The following NUP214 variants were observed in gnomAD, a reference collection of about 807,000 sequenced individuals.
NUP214 encodes the protein nuclear pore complex protein Nup214.
A neutral mutation model predicts 196.2 loss-of-function variants in NUP214; 79 were observed. The observed-to-expected ratio is 0.40, with a 90% CI of 0.34 to 0.49. The LOEUF is 0.49. Among genes scored for constraint, NUP214 ranks in the 20% least tolerant of loss-of-function variants. The pLI, the probability that NUP214 is intolerant of heterozygous loss-of-function variation, is 0.58. For missense variants in NUP214, 2,468 were observed against 2,539.0 expected (o/e 0.97, Z 0.60); for synonymous variants, 1,020 against 990.5 (o/e 1.03, Z -0.56).
chr9:131,185,097 A>G (rs987831812), intron 24 of NUP214, among the ~76,000 whole-genome samples: 1 of 152,266 alleles, frequency 6.6e-6, no homozygotes, highest in African/African-American at 2.4e-5. Context: ...TTTTTACAAC[A>G]ATGGGATGAG....
chr9:131,177,732 G>C (rs1029268350), intron 23 of NUP214, among the ~76,000 whole-genome samples: 1 of 152,076 alleles, frequency 6.6e-6, no homozygotes, highest in African/African-American at 2.4e-5. Context: ...ATTATAAGAC[G>C]AAAGCTGATG....
chr9:131,138,176 T>C (rs1831795599), intron 9 of NUP214, among the ~76,000 whole-genome samples: 1 of 151,312 alleles, frequency 6.6e-6, no homozygotes, highest in African/African-American at 2.4e-5. Flanking sequence ...TCCTTCTCTT[T>C]CCTTCTCCTT....
rs376384082 is a variant in NUP214, at chr9:131,129,466, C to T, written c.581C>T (p.Ala194Val). 1.5e-5 allele frequency: 25 copies of T among 1,613,994 alleles called. No individual in the cohort carries two copies. In the East Asian group the frequency reaches 4.9e-4, roughly 32 times the overall value. ...TGTGCAACTCTTCCTTCCACGGTAG[C>T]AGTAACCTCTGGTGAGTAATAAAGG... ...KVCATLPSTV[A>V]VTSVCWSPKG... The change falls in exon 4 of 36, where the codon GCA (alanine) becomes GTA (valine). Residue 194 changes from alanine to valine, a missense_variant. By Grantham distance (64) the Ala-to-Val change is moderately conservative (BLOSUM62 0). Around this residue, in one of 5 missense-constraint regions of NUP214, gnomAD observed 392 missense variants for 417.9 expected, o/e 0.94. Coordinates refer to ENST00000359428, the MANE Select transcript of NUP214 (RefSeq NM_005085.4).
rs377392546 is a variant in NUP214, at chr9:131,232,250, C to T, written c.6215-34C>T. 62 of 1,613,356 alleles carry T rather than the reference C, an allele frequency of 3.8e-5. No individual in the cohort carries two copies. The highest frequency in any genetic ancestry group is 4.5e-5 in the Non-Finnish European group (53 of 1,179,406). On this transcript the variant is annotated intron_variant, in intron 34 of 35. Coordinates refer to ENST00000359428, the MANE Select transcript of NUP214 (RefSeq NM_005085.4). The surrounding 1 kb of genome is among the most constrained non-coding windows in gnomAD (Gnocchi z 5.1). ...ACCACCTTTGTCTTTCGAGTGGATG[C>T]GTGCTTTAACTTCACTCTTATTCTG...
At chr9:131,230,592 GCCC>G (rs1834847127) in intron 33 of NUP214, 35 bp from the exon 34 acceptor site, 1 of 1,611,404 alleles carries the variant, frequency 6.2e-7, no homozygotes, top group Non-Finnish European at 8.5e-7. Context: ...GTGGTGAGAG[GCCC>G]CACTGACCTC....
intron 29 of NUP214, among the ~76,000 whole-genome samples, chr9:131,199,590 T>A (rs957271926): frequency 2.6e-5 from 4 of 152,266 alleles, no homozygotes; most frequent in Non-Finnish European, 5.9e-5. Flanking sequence ...TACAGTTTAC[T>A]GTTTTTGACA....
chr9:131,214,545 AGTT>A (rs1834339672), intron 30 of NUP214, among the ~76,000 whole-genome samples: 1 of 152,202 alleles, frequency 6.6e-6, no homozygotes, highest in Admixed American at 6.5e-5. Flanking sequence ...AATGTAGCCC[AGTT>A]GTTCTTTAAG....
In NUP214 at chr9:131,143,262, C is replaced by T. The variant is rs1157018390; in HGVS notation, c.1295-1018C>T. Among the ~76,000 whole-genome samples the T allele has an allele frequency of 3.9e-5, 6 of 152,114 alleles. No homozygotes were observed. In the East Asian group the frequency reaches 1.2e-3, roughly 29 times the overall value. ...GGACTCAAAGGGTCCTCCTGCTTTG[C>T]CCTCCCAAAGCTCTGGGATTACAGG... On this transcript the variant is annotated intron_variant, in intron 11 of 35. Coordinates refer to ENST00000359428, the MANE Select transcript of NUP214 (RefSeq NM_005085.4).
intron 32 of NUP214, among the ~76,000 whole-genome samples, chr9:131,223,514 G>A (rs1834621830): frequency 6.6e-6 from 1 of 151,644 alleles, no homozygotes; most frequent in Non-Finnish European, 1.5e-5. Flanking sequence ...AGAAAACATT[G>A]TAAATATTTG....
At chr9:131,171,649 C>T (rs994667030) in intron 21 of NUP214, among the ~76,000 whole-genome samples, 1 of 151,318 alleles carries the variant, frequency 6.6e-6, no homozygotes, top group Non-Finnish European at 1.5e-5. Flanking sequence ...GTGTGCTGCA[C>T]CCATTAACTT....
intron 23 of NUP214, among the ~76,000 whole-genome samples, chr9:131,178,037 TCTGTGTAGAAAAG>T (rs1290397036): frequency 6.6e-6 from 1 of 152,150 alleles, no homozygotes; most frequent in African/African-American, 2.4e-5. Flanking sequence ...GTGTCTCAGC[TCTGTGTAGAAAAG>T]CTGGCCAGAG....
intron 5 of NUP214, among the ~76,000 whole-genome samples, chr9:131,131,074 C>CT (rs1396365506): frequency 3.3e-5 from 5 of 152,160 alleles, no homozygotes; most frequent in Admixed American, 3.3e-4. Flanking sequence ...TACAAATAGT[C>CT]TATGGGTAGC....
At chr9:131,136,056 A>C (rs753121028) in intron 9 of NUP214, 50 bp downstream of exon 9, 2 of 1,421,372 alleles carry the variant, frequency 1.4e-6, no homozygotes, top group South Asian at 1.2e-5. Context: ...TTAAATTATT[A>C]TTTTGAGACA....
intron 4 of NUP214, 22 bp downstream of exon 4, chr9:131,129,499 A>C: frequency 6.3e-7 from 1 of 1,597,160 alleles, no homozygotes; most frequent in South Asian, 1.1e-5. Context: ...AGGCTTTCAC[A>C]CTGTAGCATA....
intron 3 of NUP214, 79 bp from the exon 4 acceptor site, chr9:131,129,200 G>C: frequency 8.3e-7 from 1 of 1,211,914 alleles, no homozygotes; most frequent in Admixed American, 1.9e-5. Flanking sequence ...TGTGTATTCA[G>C]TAATTTCCAT....
chr9:131,221,687 C>G (rs1834558628), intron 31 of NUP214, among the ~76,000 whole-genome samples: 1 of 152,170 alleles, frequency 6.6e-6, no homozygotes, highest in African/African-American at 2.4e-5. Context: ...CAGTGATTAC[C>G]CAGAGCATAT....
chr9:131,179,882 T>C (rs1306938221), intron 24 of NUP214, among the ~76,000 whole-genome samples: 1 of 152,236 alleles, frequency 6.6e-6, no homozygotes. Context: ...GGGAAAGAAC[T>C]ATGCATTAGA....
At chr9:131,139,499 A>G (rs769603418) in intron 10 of NUP214, 92 bp downstream of exon 10, 5 of 1,541,144 alleles carry the variant, frequency 3.2e-6, no homozygotes, top group African/African-American at 1.4e-5. Context: ...GACAGAGTCT[A>G]CTCTGCTGGG....
At chr9:131,226,918 G>C (rs1834739856) in intron 32 of NUP214, among the ~76,000 whole-genome samples, 1 of 152,160 alleles carries the variant, frequency 6.6e-6, no homozygotes, top group Non-Finnish European at 1.5e-5. Context: ...TAAGAAGTCT[G>C]GATTTCATCC....
Sources: gnomAD v4.1 joint callset for allele counts (sites outside exome capture counted in the v4.1 genomes callset) on GRCh38, gnomAD v4.1.1 for gene constraint, gnomAD v4.1.1 regional missense constraint, Gnocchi (gnomAD v3.1) non-coding constraint, MANE v1.5 for transcripts, NCBI Gene and HGNC (gene_info 2026-07-23, HGNC 2026-07-21) for gene names.